Variants in RABEP1 observed in about 807,000 individuals in gnomAD.
RABEP1 encodes rab GTPase-binding effector protein 1.
A neutral mutation model predicts 123.4 loss-of-function variants in RABEP1; 51 were observed. That is an observed-to-expected ratio of 0.41 (90% CI 0.33 to 0.52). The LOEUF (loss-of-function observed/expected upper bound fraction) is 0.52. Among genes scored for constraint, RABEP1 ranks in the 20% least tolerant of loss-of-function variants. RABEP1 has a pLI of 0.16. For synonymous variants in RABEP1, 347 were observed against 355.2 expected, an observed-to-expected ratio of 0.98 and a Z score of 0.26; for missense variants, 888 against 996.3, an observed-to-expected ratio of 0.89 and a Z score of 1.46.
At chr17:5,318,172 T>G (rs2075317039) in intron 2 of RABEP1, among the ~76,000 whole-genome samples, 1 of 152,166 alleles carries the variant, frequency 6.6e-6, no homozygotes, top group African/African-American at 2.4e-5. Flanking sequence ...TTATAGCTGG[T>G]CAGTGAGAAA....
Position 5,377,217 on chromosome 17 carries a change from A to G in RABEP1, c.2127A>G (p.Leu709=). Residue 709 remains leucine (L), a synonymous_variant, in exon 14 of 18, where the codon CTA becomes CTG. Transcript: ENST00000537505. ...EEKLKAEILF[L]KEQIQAEQCL... The stretch of plus-strand genomic sequence containing the variant: ...AGCTGAAGGCTGAGATACTTTTCCT[A>G]AAAGAGCAGATCCAAGCAGAACAGT... 6.2e-7 allele frequency: 1 copy of G among 1,613,286 alleles called. No homozygotes were observed. The highest frequency in any genetic ancestry group is 8.5e-7 in the Non-Finnish European group (1 of 1,179,842).
In RABEP1 at chr17:5,386,088, A is replaced by T. The variant is rs1239400372; in HGVS notation, c.*2865A>T. ...TAAAACAACATATTTAAAAAGATGA[A>T]CCACACCAAAGGTCATCAAAACACC... On this transcript the variant is annotated 3_prime_UTR_variant, in exon 18 of 18. Coordinates refer to ENST00000537505, the MANE Select transcript of RABEP1 (RefSeq NM_004703.6). 1.4e-6 allele frequency: 1 copy of T among 692,776 alleles called. No individual in the cohort carries two copies. Among genetic ancestry groups the T allele is most frequent in the Non-Finnish European group, 2.4e-6 (1 of 409,348 alleles). The allele number at this position is 692,776 out of a possible 1,614,324, so 42.9% of individuals were successfully genotyped here.
chr17:5,352,239 C>A (rs1234458440), intron 7 of RABEP1, among the ~76,000 whole-genome samples: 1 of 151,552 alleles, frequency 6.6e-6, no homozygotes, highest in African/African-American at 2.4e-5. Context: ...GTCACCCAGG[C>A]TGGAGCACAG....
In RABEP1 at chr17:5,374,399, C is replaced by T. The variant is rs138026065; in HGVS notation, c.2025+945C>T. ...GGCTACAAAACTGGTTTCCCAGAGA[C>T]ATTCATAATTCTCTCCTTAACTTTA... On this transcript the variant is annotated intron_variant, in intron 13 of 17. Coordinates refer to ENST00000537505, the MANE Select transcript of RABEP1 (RefSeq NM_004703.6). Among the ~76,000 whole-genome samples, 94 of 151,956 alleles carry T rather than the reference C, an allele frequency of 6.2e-4. 3 individuals are homozygous for T. Among genetic ancestry groups the T allele is most frequent in the African/African-American group, 2.2e-3 (92 of 41,308 alleles).
At chr17:5,345,221 A>G (rs1322779728) in intron 5 of RABEP1, among the ~76,000 whole-genome samples, 1 of 152,214 alleles carries the variant, frequency 6.6e-6, no homozygotes, top group East Asian at 1.9e-4. Flanking sequence ...TTGTCCTCCC[A>G]GTTGACTGTT....
chr17:5,318,939 T>C (rs149744034), intron 2 of RABEP1, among the ~76,000 whole-genome samples: 78 of 152,310 alleles, frequency 5.1e-4, no homozygotes, highest in African/African-American at 1.8e-3. Context: ...TTTGAGGTGA[T>C]GGATATGTTA....
In RABEP1 at chr17:5,373,301, ACTT is replaced by A; in HGVS notation, c.1885-10_1885-8del. 1 of 1,609,128 alleles carries A rather than the reference ACTT, an allele frequency of 6.2e-7. No individual in the cohort carries two copies. Among genetic ancestry groups the A allele is most frequent in the Non-Finnish European group, 8.5e-7 (1 of 1,177,896 alleles). Reference sequence around the variant, plus strand: ...ACCTTTCTGGCTGTGATTAGTATCTACTTCTATTTTAGGCGGTGCTGATGCAGT... The same window carrying A: ...ACCTTTCTGGCTGTGATTAGTATCTACTATTTTAGGCGGTGCTGATGCAGT... On this transcript the variant is annotated splice_polypyrimidine_tract_variant and intron_variant, in intron 12 of 17. Coordinates refer to ENST00000537505, the MANE Select transcript of RABEP1 (RefSeq NM_004703.6).
At chr17:5,330,505 A>G (rs931153875) in intron 2 of RABEP1, among the ~76,000 whole-genome samples, 6 of 152,242 alleles carry the variant, frequency 3.9e-5, no homozygotes, top group Non-Finnish European at 5.9e-5. Flanking sequence ...TTAGAAATTT[A>G]TGCAAGAAAG....
At chr17:5,320,421 C>CAAAAAAAAAAAAAAAAAAAAAA (rs60202531) in intron 2 of RABEP1, among the ~76,000 whole-genome samples, 3 of 84,652 alleles carry the variant, frequency 3.5e-5, no homozygotes, top group African/African-American at 8.6e-5. Flanking sequence ...GCTAACACAC[C>CAAAAAAAAAAAAAAAAAAAAAA]AAAAAAAAAA....
intron 6 of RABEP1, 150 bp from the exon 7 acceptor site, chr17:5,350,301 A>G (rs1908420248): frequency 1.6e-6 from 1 of 634,958 alleles, no homozygotes; most frequent in Non-Finnish European, 2.5e-6. Context: ...AATGGCGTGA[A>G]CCCGGGAGGC....
At chr17:5,365,888 T>C (rs76418084) in intron 11 of RABEP1, among the ~76,000 whole-genome samples, 22,204 of 152,274 alleles carry the variant, frequency 0.15, 1,719 homozygotes, top group African/African-American at 0.19. Flanking sequence ...CATATCATTA[T>C]ACGGATATAC....
At chr17:5,289,461 T>G (rs370879102) in intron 1 of RABEP1, among the ~76,000 whole-genome samples, 3 of 151,424 alleles carry the variant, frequency 2.0e-5, no homozygotes, top group Non-Finnish European at 2.9e-5. Flanking sequence ...GGGTTTCTTA[T>G]TTTGCTGAGG....
chr17:5,309,570 T>G (rs1303075079), intron 2 of RABEP1, among the ~76,000 whole-genome samples: 1 of 151,696 alleles, frequency 6.6e-6, no homozygotes, highest in Non-Finnish European at 1.5e-5. Context: ...GAAGAATTGC[T>G]TGAACCCAGG....
intron 5 of RABEP1, among the ~76,000 whole-genome samples, chr17:5,341,673 A>G (rs184861825): frequency 1.2e-3 from 178 of 152,354 alleles, no homozygotes; most frequent in African/African-American, 3.9e-3. Context: ...GAAATTATAG[A>G]TCTGTCTCAG....
At chr17:5,304,688 C>T (rs936974196) in intron 1 of RABEP1, among the ~76,000 whole-genome samples, 1 of 152,028 alleles carries the variant, frequency 6.6e-6, no homozygotes, top group African/African-American at 2.4e-5. Flanking sequence ...TTGACAAAGG[C>T]TGGCATACTG....
At chr17:5,305,279 AAAAAT>A (rs1253858479) in intron 1 of RABEP1, among the ~76,000 whole-genome samples, 4 of 152,170 alleles carry the variant, frequency 2.6e-5, no homozygotes, top group Non-Finnish European at 4.4e-5. Context: ...ATCACTTCTT[AAAAAT>A]AAAATAAGAC....
intron 1 of RABEP1, among the ~76,000 whole-genome samples, chr17:5,286,088 A>G (rs1315312150): frequency 3.3e-5 from 5 of 152,216 alleles, no homozygotes; most frequent in Admixed American, 1.3e-4. Context: ...CTTACTCTCC[A>G]AGGCATCAAT....
intron 12 of RABEP1, among the ~76,000 whole-genome samples, chr17:5,371,004 T>C (rs987756634): frequency 2.0e-5 from 3 of 152,068 alleles, no homozygotes; most frequent in Non-Finnish European, 2.9e-5. Flanking sequence ...TCTTGCTCTG[T>C]CGCCCAGGTT....
intron 12 of RABEP1, among the ~76,000 whole-genome samples, chr17:5,369,058 G>A (rs1402659450): frequency 6.6e-6 from 1 of 152,038 alleles, no homozygotes; most frequent in African/African-American, 2.4e-5. Flanking sequence ...GCAGTGAGCT[G>A]AGATCGCGCC....
Sources: allele counts gnomAD v4.1 joint callset (sites outside exome capture counted in the v4.1 genomes callset), GRCh38; gene constraint gnomAD v4.1.1; transcripts MANE v1.5; gene names NCBI Gene and HGNC (gene_info 2026-07-23, HGNC 2026-07-21).